APBA1: variants seen among roughly 807,000 people sequenced by gnomAD.
APBA1 encodes amyloid-beta A4 precursor protein-binding family A member 1.
In APBA1, 55 loss-of-function variants were observed where a neutral mutation model predicts 86.6. The observed-to-expected ratio is 0.64, with a 90% CI of 0.51 to 0.80. APBA1 has a LOEUF of 0.80. APBA1 is among the 30% of genes least tolerant of loss of function. The pLI is 0.00. For missense variants in APBA1, 1,090 were observed against 1,183.0 expected (o/e 0.92, Z 1.15); for synonymous variants, 511 against 493.9 (o/e 1.03, Z -0.46).
chr9:69,433,915 G>C (rs2133782362), intron 11 of APBA1, among the ~76,000 whole-genome samples: 1 of 150,678 alleles, frequency 6.6e-6, no homozygotes, highest in African/African-American at 2.4e-5. Flanking sequence ...GGGTTCAGGT[G>C]ATCCTCCTGC....
chr9:69,465,847 A>G (rs1013212641), intron 5 of APBA1, among the ~76,000 whole-genome samples: 1 of 152,166 alleles, frequency 6.6e-6, no homozygotes, highest in Non-Finnish European at 1.5e-5. Context: ...ACACCACAGA[A>G]ATGGGCCTTA....
chr9:69,639,468 G>C (rs1457307989), intron 1 of APBA1, among the ~76,000 whole-genome samples: 1 of 152,118 alleles, frequency 6.6e-6, no homozygotes, highest in African/African-American at 2.4e-5. Context: ...GATGAACCTG[G>C]AACATCTCAT....
At chr9:69,523,275 G>A (rs1238790626) in intron 1 of APBA1, among the ~76,000 whole-genome samples, 1 of 151,578 alleles carries the variant, frequency 6.6e-6, no homozygotes, top group Non-Finnish European at 1.5e-5. Context: ...GTCCCTTTTA[G>A]CATATTCAGA....
At chr9:69,625,417 T>A (rs1168581641) in intron 1 of APBA1, among the ~76,000 whole-genome samples, 1 of 152,144 alleles carries the variant, frequency 6.6e-6, no homozygotes, top group Non-Finnish European at 1.5e-5. Context: ...CTTCCTCAAA[T>A]GAAATACAAG....
At chr9:69,665,618 G>T (rs887065349) in intron 1 of APBA1, among the ~76,000 whole-genome samples, 2 of 152,134 alleles carry the variant, frequency 1.3e-5, no homozygotes, top group African/African-American at 4.8e-5. Context: ...ACAAAACAAA[G>T]TTCTAGCCTC....
At chr9:69,620,149 GT>G (rs2133989021) in intron 1 of APBA1, among the ~76,000 whole-genome samples, 1 of 152,318 alleles carries the variant, frequency 6.6e-6, no homozygotes, top group East Asian at 1.9e-4. Context: ...AGATCTGGCA[GT>G]TAGTACTGGT....
intron 1 of APBA1, among the ~76,000 whole-genome samples, chr9:69,647,983 G>C (rs1325639449): frequency 6.6e-6 from 1 of 152,204 alleles, no homozygotes; most frequent in Admixed American, 6.5e-5. Context: ...GGCAAGCTTT[G>C]GCTGTTGCTG....
chr9:69,482,094 T>C, intron 2 of APBA1, among the ~76,000 whole-genome samples: 1 of 151,600 alleles, frequency 6.6e-6, no homozygotes, highest in Non-Finnish European at 1.5e-5. Context: ...CCAAAAGCAA[T>C]GGCAACAAAA....
chr9:69,552,579 T>C (rs1199127506), intron 1 of APBA1, among the ~76,000 whole-genome samples: 1 of 152,246 alleles, frequency 6.6e-6, no homozygotes, highest in Non-Finnish European at 1.5e-5. Context: ...AGATTTAAAA[T>C]CAATGACACT....
At chr9:69,434,376 TC>T (rs1222037600) in intron 11 of APBA1, among the ~76,000 whole-genome samples, 1 of 151,774 alleles carries the variant, frequency 6.6e-6, no homozygotes, top group Non-Finnish European at 1.5e-5. Flanking sequence ...CCACTCATAC[TC>T]TTTCTTGATG....
At chr9:69,613,199 T>C (rs1044712046) in intron 1 of APBA1, among the ~76,000 whole-genome samples, 7 of 122,256 alleles carry the variant, frequency 5.7e-5, no homozygotes, top group Non-Finnish European at 1.2e-4. Context: ...ACTAAAACTT[T>C]GATCTCCCTG....
At chr9:69,611,306 A>G (rs1273660772) in intron 1 of APBA1, among the ~76,000 whole-genome samples, 1 of 138,332 alleles carries the variant, frequency 7.2e-6, no homozygotes, top group Non-Finnish European at 1.6e-5. Context: ...AAAAAAAAAC[A>G]AAAAAAAAAC....
intron 2 of APBA1, among the ~76,000 whole-genome samples, chr9:69,488,648 C>T (rs943370240): frequency 4.6e-5 from 7 of 152,130 alleles, no homozygotes; most frequent in Admixed American, 2.6e-4. Context: ...CCAAGACGGG[C>T]AAGGGGTGGA....
intron 1 of APBA1, among the ~76,000 whole-genome samples, chr9:69,642,198 T>C (rs953963772): frequency 3.3e-5 from 5 of 152,214 alleles, no homozygotes; most frequent in South Asian, 4.1e-4. Flanking sequence ...TGACTAGAGA[T>C]AATATTTGCA....
intron 7 of APBA1, 100 bp from the exon 8 acceptor site, chr9:69,456,532 G>A: frequency 1.5e-6 from 2 of 1,298,406 alleles, no homozygotes; most frequent in South Asian, 2.8e-5. Flanking sequence ...TTCGCATGCA[G>A]GGTGGGCTCC....
intron 10 of APBA1, among the ~76,000 whole-genome samples, chr9:69,448,129 G>A (rs545590508): frequency 6.6e-6 from 1 of 152,222 alleles, no homozygotes; most frequent in East Asian, 1.9e-4. Flanking sequence ...AATTCAAGCA[G>A]AAACTTCCAA....
intron 1 of APBA1, among the ~76,000 whole-genome samples, chr9:69,632,873 C>T (rs2309516): frequency 0.97 from 147,708 of 152,250 alleles, 71,798 homozygotes; most frequent in East Asian, 1. Context: ...TGGGCTTCCT[C>T]GTCCTTTCAC....
chr9:69,481,538 A>T (rs1387129033), intron 2 of APBA1, among the ~76,000 whole-genome samples: 1 of 151,840 alleles, frequency 6.6e-6, no homozygotes, highest in Non-Finnish European at 1.5e-5. Context: ...GAAAATGGTC[A>T]TACTGCCCAA....
chr9:69,644,887 C>T (rs573412809), intron 1 of APBA1, among the ~76,000 whole-genome samples: 1 of 152,154 alleles, frequency 6.6e-6, no homozygotes, highest in Admixed American at 6.5e-5. Flanking sequence ...ATGATAGTGA[C>T]CTGTGATTAT....
Sources: allele counts gnomAD v4.1 joint callset (sites outside exome capture counted in the v4.1 genomes callset), GRCh38; gene constraint gnomAD v4.1.1; transcripts MANE v1.5; gene names NCBI Gene and HGNC (gene_info 2026-07-23, HGNC 2026-07-21).